TANC2: variants seen among roughly 807,000 people sequenced by gnomAD.
TANC2 encodes protein TANC2.
A neutral mutation model predicts 210.5 loss-of-function variants in TANC2; 26 were observed. The ratio of observed to expected loss-of-function variants is 0.12; its 90% CI spans 0.09 to 0.17. The LOEUF is 0.17. Ranked by LOEUF, TANC2 falls within the 10% of genes least tolerant of loss-of-function variation. TANC2 has a pLI of 1.00. For missense variants in TANC2, 2,129 were observed against 2,608.9 expected (o/e 0.82, Z 4.01); for synonymous variants, 931 against 967.1 (o/e 0.96, Z 0.69).
chr17:63,041,409 A>G (rs2035181233), intron 2 of TANC2, among the ~76,000 whole-genome samples: 1 of 152,146 alleles, frequency 6.6e-6, no homozygotes, highest in South Asian at 2.1e-4. Flanking sequence ...TCCTCACAAG[A>G]TACAGCAGCC....
intron 1 of TANC2, among the ~76,000 whole-genome samples, chr17:62,993,848 G>T (rs1461967483): frequency 6.6e-6 from 1 of 152,164 alleles, no homozygotes; most frequent in Non-Finnish European, 1.5e-5. Flanking sequence ...AGGATTATTT[G>T]AGCCCAGGAG....
intron 4 of TANC2, among the ~76,000 whole-genome samples, chr17:63,137,174 G>C (rs2039119101): frequency 6.6e-6 from 1 of 152,076 alleles, no homozygotes; most frequent in Admixed American, 6.6e-5. Flanking sequence ...ACACACATTA[G>C]TAGTAAGGCT....
chr17:63,191,357 A>G (rs1434513734), intron 5 of TANC2, among the ~76,000 whole-genome samples: 1 of 150,890 alleles, frequency 6.6e-6, no homozygotes, highest in Non-Finnish European at 1.5e-5. Flanking sequence ...CAAAAACCTC[A>G]ATTACTTTTG....
At chr17:63,111,674 A>T (rs9906570) in intron 4 of TANC2, among the ~76,000 whole-genome samples, 235 of 152,216 alleles carry the variant, frequency 1.5e-3, no homozygotes, top group African/African-American at 5.5e-3. Context: ...TGATATGGCA[A>T]TATTTTTTTA....
intron 3 of TANC2, among the ~76,000 whole-genome samples, chr17:63,098,210 A>G (rs2037461912): frequency 6.6e-6 from 1 of 152,028 alleles, no homozygotes; most frequent in South Asian, 2.1e-4. Context: ...CGATGATATT[A>G]CCTTCCTCCA....
chr17:63,092,191 A>G (rs1433553516), intron 3 of TANC2, among the ~76,000 whole-genome samples: 1 of 151,910 alleles, frequency 6.6e-6, no homozygotes, highest in Non-Finnish European at 1.5e-5. Flanking sequence ...TAATTTTTCT[A>G]TTTGTGTGTG....
chr17:63,353,143 CAGA>C (rs1481572691), intron 13 of TANC2, among the ~76,000 whole-genome samples: 1 of 152,000 alleles, frequency 6.6e-6, no homozygotes, highest in East Asian at 1.9e-4. Flanking sequence ...AGAGTTGAAG[CAGA>C]AGTATAGGTG....
chr17:63,421,163 A>G lies in TANC2; in HGVS notation c.5433A>G (p.Pro1811=). The G allele has an allele frequency of 1.2e-6, 2 of 1,613,972 alleles. No homozygotes were observed. The highest frequency in any genetic ancestry group is 1.7e-6 in the Non-Finnish European group (2 of 1,179,894). Residue 1811 remains proline, a synonymous_variant, in exon 28 of 28, where the codon CCA becomes CCG. Coordinates refer to ENST00000689528, the Ensembl canonical transcript of TANC2. This position sits in a 1 kb window ranked among gnomAD's most constrained non-coding sequence, Gnocchi z 6.9. Reference sequence around the variant, plus strand: ...GCAGCCAGTCAGCATCCTATTACCCAGTCTGTCACTCAAAACTAGATCTGG... The same window carrying G: ...GCAGCCAGTCAGCATCCTATTACCCGGTCTGTCACTCAAAACTAGATCTGG...
chr17:63,008,743 A>G (rs1294206342), intron 1 of TANC2, among the ~76,000 whole-genome samples: 1 of 151,756 alleles, frequency 6.6e-6, no homozygotes, highest in Non-Finnish European at 1.5e-5. Flanking sequence ...GGGACATGGA[A>G]TAAGCACGGA....
intron 7 of TANC2, among the ~76,000 whole-genome samples, chr17:63,235,313 G>A (rs1363579359): frequency 6.6e-6 from 1 of 151,986 alleles, no homozygotes; most frequent in Non-Finnish European, 1.5e-5. Context: ...ATGAGCATAG[G>A]TTGTCTATTT....
exon 28 of TANC2, chr17:63,425,351 CAG>C (rs1190361544): frequency 6.6e-6 from 1 of 152,262 alleles, no homozygotes; most frequent in East Asian, 1.9e-4. Context: ...TTATTGTAAA[CAG>C]AACAGCTTAG....
At chr17:63,012,684 C>T (rs748066932) in intron 2 of TANC2, among the ~76,000 whole-genome samples, 1 of 152,112 alleles carries the variant, frequency 6.6e-6, no homozygotes, top group Non-Finnish European at 1.5e-5. Flanking sequence ...CAGGGTTTTG[C>T]TCTGTCACCC....
intron 19 of TANC2, among the ~76,000 whole-genome samples, chr17:63,401,444 T>C (rs1408384305): frequency 2.0e-5 from 3 of 152,228 alleles, no homozygotes; most frequent in Non-Finnish European, 4.4e-5. Flanking sequence ...CACAATTCTT[T>C]ATTATCACAT....
At chr17:63,258,845 A>T (rs1598724917) in intron 8 of TANC2, among the ~76,000 whole-genome samples, 1 of 152,094 alleles carries the variant, frequency 6.6e-6, no homozygotes, top group African/African-American at 2.4e-5. Context: ...CCAAGCTGGT[A>T]CCCTATCTAT....
chr17:63,223,428 G>C (rs1249076686), intron 7 of TANC2, among the ~76,000 whole-genome samples: 1 of 152,132 alleles, frequency 6.6e-6, no homozygotes, highest in Non-Finnish European at 1.5e-5. Context: ...GCAGAGTACA[G>C]CAAAGTGGCT....
intron 7 of TANC2, among the ~76,000 whole-genome samples, chr17:63,226,956 T>A (rs976191304): frequency 6.6e-6 from 1 of 152,218 alleles, no homozygotes; most frequent in Non-Finnish European, 1.5e-5. Flanking sequence ...GGCTGCATAG[T>A]ATTCCATGGT....
chr17:63,318,157 T>G (rs2045373478), intron 10 of TANC2, among the ~76,000 whole-genome samples: 1 of 152,196 alleles, frequency 6.6e-6, no homozygotes, highest in Non-Finnish European at 1.5e-5. Context: ...TTCCTATTCT[T>G]CCTTCTTTTC....
chr17:63,306,677 G>T (rs1006538148), intron 9 of TANC2, among the ~76,000 whole-genome samples: 1 of 152,180 alleles, frequency 6.6e-6, no homozygotes, highest in Non-Finnish European at 1.5e-5. Context: ...TATGGGGGCC[G>T]GGCATGGTGG....
At chr17:63,146,558 T>C (rs1050252870) in intron 4 of TANC2, among the ~76,000 whole-genome samples, 2 of 152,332 alleles carry the variant, frequency 1.3e-5, no homozygotes, top group East Asian at 1.9e-4. Flanking sequence ...TATTTATCTT[T>C]CATTTTACAT....
Sources: allele counts gnomAD v4.1 joint callset (sites outside exome capture counted in the v4.1 genomes callset), GRCh38; gene constraint gnomAD v4.1.1; non-coding constraint Gnocchi (gnomAD v3.1); transcripts MANE v1.5; gene names NCBI Gene and HGNC (gene_info 2026-07-23, HGNC 2026-07-21).